The following TC2N variants were observed in gnomAD, a reference collection of about 807,000 sequenced individuals.
The protein encoded by TC2N is tandem C2 domains, nuclear.
TC2N carries 51 observed loss-of-function variants against 61.9 expected under a neutral mutation model. That is an observed-to-expected ratio of 0.82 (90% CI 0.66 to 1.04). TC2N has a LOEUF of 1.04. Ranked by LOEUF, TC2N falls within the 50% of genes least tolerant of loss-of-function variation. TC2N has a pLI of 0.00. For missense variants in TC2N, 556 were observed against 566.7 expected (o/e 0.98, Z 0.19); for synonymous variants, 204 against 192.6 (o/e 1.06, Z -0.49).
At chr14:91,803,782 A>G (rs1886376639) in intron 3 of TC2N, among the ~76,000 whole-genome samples, 1 of 152,190 alleles carries the variant, frequency 6.6e-6, no homozygotes, top group Non-Finnish European at 1.5e-5. Flanking sequence ...TTAATAAACT[A>G]AACTACATTA....
Position 91,867,434 on chromosome 14 carries a change from A to C in TC2N, c.-229T>G, listed in dbSNP as rs1055380650. On this transcript the variant is annotated 5_prime_UTR_variant, in exon 1 of 12. Transcript: ENST00000435962. ...GCCTTTGCTTTTCGGAGCCGAGCTG[A>C]GTGAGTCCCAAGGGAATCACCCTCT... The C allele has an allele frequency of 6.6e-6, 1 of 152,168 alleles. No individual in the cohort carries two copies. The highest frequency in any genetic ancestry group is 1.5e-5 in the Non-Finnish European group (1 of 68,074). 9.4% of individuals were successfully genotyped at this position (152,168 alleles called of 1,614,324 possible).
Position 91,785,249 on chromosome 14 carries a change from A to G in TC2N, c.1275T>C (p.Phe425=). The part of the protein sequence containing the change: ...GRVKWGETMI[F]PLIQSEKEIV... ...TTTCTTTTTCACTCTGTATAAGTGG[A>G]AAAATCATAGTCTCTCCCCACTTGA... is the stretch of plus-strand genomic sequence containing the variant. The change falls in exon 11 of 12, where the codon TTT becomes TTC. Residue 425 remains phenylalanine (F), a synonymous_variant. Coordinates refer to ENST00000435962, the MANE Select transcript of TC2N (RefSeq NM_001128596.3). The G allele has an allele frequency of 6.2e-7, 1 of 1,613,360 alleles. No homozygotes were observed. The highest frequency in any genetic ancestry group is 8.5e-7 in the Non-Finnish European group (1 of 1,179,380).
intron 1 of TC2N, among the ~76,000 whole-genome samples, chr14:91,839,366 C>A (rs1309099316): frequency 6.6e-6 from 1 of 152,212 alleles, no homozygotes. Context: ...AACCCCACAA[C>A]ACCCATTCCT....
chr14:91,844,519 T>C (rs1888227712), intron 1 of TC2N, among the ~76,000 whole-genome samples: 1 of 152,098 alleles, frequency 6.6e-6, no homozygotes, highest in South Asian at 2.1e-4. Context: ...ATCTCAGCAC[T>C]GTGGGAGGCC....
At chr14:91,848,683 C>T (rs1390734149) in intron 1 of TC2N, among the ~76,000 whole-genome samples, 1 of 152,144 alleles carries the variant, frequency 6.6e-6, no homozygotes, top group Non-Finnish European at 1.5e-5. Context: ...ATTACTTCTC[C>T]CTGGATCCGT....
At chr14:91,831,421 T>C (rs1452077863) in intron 1 of TC2N, among the ~76,000 whole-genome samples, 1 of 152,118 alleles carries the variant, frequency 6.6e-6, no homozygotes. Flanking sequence ...TAAACATTAA[T>C]TTGAGGAGCA....
At chr14:91,788,684 T>C (rs1256859601) in intron 9 of TC2N, among the ~76,000 whole-genome samples, 1 of 152,120 alleles carries the variant, frequency 6.6e-6, no homozygotes, top group Non-Finnish European at 1.5e-5. Flanking sequence ...TACATAACAT[T>C]GACAGAAGCT....
intron 1 of TC2N, among the ~76,000 whole-genome samples, chr14:91,832,870 A>G (rs1158950148): frequency 6.6e-6 from 1 of 152,260 alleles, no homozygotes; most frequent in Admixed American, 6.5e-5. Context: ...AAAGAATGGT[A>G]AAGTCACACA....
intron 1 of TC2N, among the ~76,000 whole-genome samples, chr14:91,831,957 T>C (rs1423856291): frequency 6.6e-6 from 1 of 152,114 alleles, no homozygotes; most frequent in East Asian, 1.9e-4. Context: ...TATTCAACTA[T>C]ATATAAAACG....
intron 1 of TC2N, among the ~76,000 whole-genome samples, chr14:91,822,834 C>A (rs1887318148): frequency 1.3e-5 from 2 of 151,460 alleles, no homozygotes; most frequent in South Asian, 4.2e-4. Context: ...CCTGCCTTAG[C>A]CTCCCAAGTA....
chr14:91,803,305 A>T (rs1325652918), intron 3 of TC2N, among the ~76,000 whole-genome samples: 1 of 151,920 alleles, frequency 6.6e-6, no homozygotes, highest in Non-Finnish European at 1.5e-5. Flanking sequence ...CTGATAAGAA[A>T]GTTTTCATGA....
chr14:91,847,538 A>C (rs1030679653), intron 1 of TC2N, among the ~76,000 whole-genome samples: 35 of 152,280 alleles, frequency 2.3e-4, no homozygotes, highest in Middle Eastern at 3.4e-3. Flanking sequence ...GTTTGTGGAG[A>C]CCCAAATGAA....
intron 8 of TC2N, among the ~76,000 whole-genome samples, chr14:91,793,473 C>G (rs1441463485): frequency 6.6e-6 from 1 of 152,218 alleles, no homozygotes; most frequent in Non-Finnish European, 1.5e-5. Flanking sequence ...TTCGTGGCAA[C>G]ACTGTGTTGA....
chr14:91,780,607 A>C lies in TC2N; in HGVS notation c.*2493T>G, dbSNP rs927329039. The C allele has an allele frequency of 6.6e-6, 1 of 152,254 alleles. No individual in the cohort carries two copies. Among genetic ancestry groups the C allele is most frequent in the Non-Finnish European group, 1.5e-5 (1 of 68,040 alleles). The allele number at this position is 152,254 out of a possible 1,614,324, so 9.4% of individuals were successfully genotyped here. A position where few individuals can be genotyped will look rare whatever the true frequency, so the allele number is the denominator to read the frequency against. On this transcript the variant is annotated 3_prime_UTR_variant, in exon 12 of 12. Transcript: ENST00000435962. The stretch of plus-strand genomic sequence containing the variant: ...ATCCACTGTTAGGAATGAGCACTGT[A>C]AAAGCTATCAGCTATCAGCGTGAAC...
At chr14:91,847,306 C>T (rs1888290560) in intron 1 of TC2N, among the ~76,000 whole-genome samples, 1 of 151,702 alleles carries the variant, frequency 6.6e-6, no homozygotes, top group Non-Finnish European at 1.5e-5. Context: ...TGGTTTAAAT[C>T]GTCCACAGTT....
At chr14:91,790,090 G>A (rs372249218) in intron 9 of TC2N, among the ~76,000 whole-genome samples, 1 of 152,074 alleles carries the variant, frequency 6.6e-6, no homozygotes, top group Non-Finnish European at 1.5e-5. Context: ...TCCACAAAAC[G>A]GATAAAGAAC....
intron 1 of TC2N, among the ~76,000 whole-genome samples, chr14:91,826,875 T>C (rs1887521346): frequency 6.6e-6 from 1 of 152,250 alleles, no homozygotes; most frequent in Admixed American, 6.5e-5. Flanking sequence ...TAGTTATAGC[T>C]ATGCAGCTTT....
intron 1 of TC2N, among the ~76,000 whole-genome samples, chr14:91,819,735 T>C (rs1017883505): frequency 2.6e-5 from 4 of 152,076 alleles, no homozygotes; most frequent in Admixed American, 2.6e-4. Flanking sequence ...TATGTAAAAC[T>C]AAAATGTATT....
In TC2N at chr14:91,831,902, G is replaced by A. The variant is rs188273150; in HGVS notation, c.-56-18077C>T. Among the ~76,000 whole-genome samples, 18 of 152,184 alleles carry A rather than the reference G, an allele frequency of 1.2e-4. No homozygotes were observed. In the East Asian group the frequency reaches 2.9e-3, roughly 24 times the overall value. ...AAGGTAAAGATTTGTTAAACAAGAT[G>A]CCAAAAGCACAAACCATAAAACAAA... On this transcript the variant is annotated intron_variant, in intron 1 of 11. Coordinates refer to ENST00000435962, the MANE Select transcript of TC2N (RefSeq NM_001128596.3).
Sources: allele counts gnomAD v4.1 joint callset (sites outside exome capture counted in the v4.1 genomes callset), GRCh38; gene constraint gnomAD v4.1.1; transcripts MANE v1.5; gene names NCBI Gene and HGNC (gene_info 2026-07-23, HGNC 2026-07-21).